The following PHLDB2 variants were observed in gnomAD, a reference collection of about 807,000 sequenced individuals.
PHLDB2 encodes the protein pleckstrin homology like domain family B member 2, also known as pleckstrin homology-like domain family B member 2.
PHLDB2 carries 71 observed loss-of-function variants against 123.6 expected under a neutral mutation model. That is an observed-to-expected ratio of 0.57 (90% CI 0.47 to 0.70). The LOEUF is 0.70. PHLDB2 is among the 30% of genes least tolerant of loss of function. PHLDB2 has a pLI of 0.00. For synonymous variants in PHLDB2, 547 were observed against 541.6 expected (o/e 1.01, Z -0.14); for missense variants, 1,446 against 1,519.5 (o/e 0.95, Z 0.80).
intron 1 of PHLDB2, among the ~76,000 whole-genome samples, chr3:111,752,030 T>C (rs954105357): frequency 2.6e-5 from 4 of 152,166 alleles, no homozygotes; most frequent in African/African-American, 7.2e-5. Context: ...TAGAACACCC[T>C]GAAGAAAATT....
chr3:111,970,352 C>T (rs1043152218), intron 16 of PHLDB2, among the ~76,000 whole-genome samples: 2 of 151,988 alleles, frequency 1.3e-5, no homozygotes, highest in African/African-American at 4.8e-5. Flanking sequence ...AAAATATTGC[C>T]TTTCAAACCA....
At chr3:111,802,753 GA>G (rs999606318) in intron 1 of PHLDB2, among the ~76,000 whole-genome samples, 1 of 152,130 alleles carries the variant, frequency 6.6e-6, no homozygotes, top group Admixed American at 6.5e-5. Context: ...CTCTTTTAAA[GA>G]AAAAGCACTA....
chr3:111,962,929 CAAA>C (rs57625439), intron 13 of PHLDB2, among the ~76,000 whole-genome samples: 304 of 93,808 alleles, frequency 3.2e-3, no homozygotes, highest in Non-Finnish European at 5.3e-3. Context: ...AACTCCATCT[CAAA>C]AAAAAAAAAA....
At chr3:111,758,949 A>G (rs1226322160) in intron 1 of PHLDB2, among the ~76,000 whole-genome samples, 6 of 152,178 alleles carry the variant, frequency 3.9e-5, no homozygotes, top group African/African-American at 1.4e-4. Flanking sequence ...GGTCCTATCA[A>G]TATGGGGCCC....
chr3:111,830,970 A>G (rs112500878), intron 1 of PHLDB2, among the ~76,000 whole-genome samples: 710 of 39,026 alleles, frequency 0.018, 13 homozygotes, highest in Non-Finnish European at 0.019. Context: ...AGAAAGAAAG[A>G]AAGAAAGAAA....
intron 2 of PHLDB2, among the ~76,000 whole-genome samples, chr3:111,908,491 C>T (rs766858725): frequency 2.0e-5 from 3 of 152,216 alleles, no homozygotes; most frequent in Non-Finnish European, 2.9e-5. Context: ...CTCTGCTCCA[C>T]GTTTCCTGAT....
At chr3:111,734,263 G>A (rs1941607112) in intron 1 of PHLDB2, among the ~76,000 whole-genome samples, 1 of 152,170 alleles carries the variant, frequency 6.6e-6, no homozygotes, top group Non-Finnish European at 1.5e-5. Flanking sequence ...TTTGACGAGG[G>A]AAAAGGATCT....
chr3:111,807,590 G>A (rs950100937), intron 1 of PHLDB2, among the ~76,000 whole-genome samples: 6 of 151,960 alleles, frequency 3.9e-5, no homozygotes, highest in African/African-American at 9.7e-5. Context: ...ATAGCCAGGC[G>A]CGTGATTTTT....
chr3:111,920,597 G>A (rs181921252), intron 5 of PHLDB2, among the ~76,000 whole-genome samples, 178 bp downstream of exon 5: 1 of 152,274 alleles, frequency 6.6e-6, no homozygotes, highest in Admixed American at 6.5e-5. Flanking sequence ...GAACTGCCAG[G>A]TACTGGGCAG....
chr3:111,877,528 C>T (rs945514623), intron 1 of PHLDB2, among the ~76,000 whole-genome samples: 2 of 152,164 alleles, frequency 1.3e-5, no homozygotes, highest in African/African-American at 4.8e-5. Context: ...CCCGCTCACT[C>T]TGATAATAGT....
In PHLDB2 at chr3:111,821,235, G is replaced by A. The variant is rs372819320; in HGVS notation, c.-48-24586G>A. ...TTGAATGTCTTTTCTGGTCAGACCA[G>A]GCTCATTGTTCTTCTAAGACCCAAG... On this transcript the variant is annotated intron_variant, in intron 1 of 17. Coordinates refer to the PHLDB2 transcript ENST00000393923. Among the ~76,000 whole-genome samples, 10 of 152,304 alleles carry A rather than the reference G, an allele frequency of 6.6e-5. No homozygotes were observed. In the South Asian group the frequency reaches 1.7e-3, roughly 25 times the overall value.
rs982097060 is a variant in PHLDB2 at position 111,859,784 on chromosome 3, G to A, written c.-15+208G>A. 30 of 985,564 alleles carry A rather than the reference G, an allele frequency of 3.0e-5. No individual in the cohort carries two copies. In the South Asian group the frequency reaches 8.0e-4, roughly 26 times the overall value. The allele number at this position is 985,564 out of a possible 1,614,324, so 61.1% of individuals were successfully genotyped here. ...CACCGCGAGTCAGGAGGGGCCGGCG[G>A]GCTCACGGAGGGAGACAGGGTGGGC... On this transcript the variant is annotated intron_variant, in intron 1 of 17. Transcript: ENST00000431670.
intron 1 of PHLDB2, among the ~76,000 whole-genome samples, chr3:111,764,721 T>C (rs1443618058): frequency 2.0e-5 from 3 of 152,232 alleles, no homozygotes; most frequent in Non-Finnish European, 4.4e-5. Flanking sequence ...TCCATCATAC[T>C]GTATTAAAGC....
At chr3:111,875,333 A>G (rs543232929) in intron 1 of PHLDB2, among the ~76,000 whole-genome samples, 312 of 111,150 alleles carry the variant, frequency 2.8e-3, no homozygotes, top group African/African-American at 8.4e-3. Context: ...TATTTTTAGT[A>G]GAGATGGAGT....
intron 1 of PHLDB2, among the ~76,000 whole-genome samples, chr3:111,770,186 G>A (rs2060150558): frequency 6.6e-6 from 1 of 152,202 alleles, no homozygotes; most frequent in Non-Finnish European, 1.5e-5. Flanking sequence ...CTTCCTCTGG[G>A]AAGGGTGCTT....
intron 1 of PHLDB2, among the ~76,000 whole-genome samples, chr3:111,825,549 G>A (rs941307825): frequency 1.3e-5 from 2 of 152,242 alleles, no homozygotes; most frequent in African/African-American, 4.8e-5. Flanking sequence ...ATGGGTTCAA[G>A]CTGTTCTCGT....
intron 1 of PHLDB2, among the ~76,000 whole-genome samples, chr3:111,830,956 A>AAGGAAGGAAG (rs1174498405): frequency 4.0e-5 from 1 of 24,754 alleles, no homozygotes. Flanking sequence ...AGAAAGAAAG[A>AAGGAAGGAAG]GAAAGAAAGA....
intron 1 of PHLDB2, among the ~76,000 whole-genome samples, chr3:111,862,016 A>G (rs952951273): frequency 6.6e-6 from 1 of 151,976 alleles, no homozygotes; most frequent in African/African-American, 2.4e-5. Flanking sequence ...TAATTTTTCT[A>G]TTTTTAGTAG....
At chr3:111,846,646 C>G (rs1185255380) in intron 2 of PHLDB2, among the ~76,000 whole-genome samples, 1 of 152,032 alleles carries the variant, frequency 6.6e-6, no homozygotes, top group Non-Finnish European at 1.5e-5. Flanking sequence ...ACTCATTGTG[C>G]TAAGTTCTAG....
Sources: gnomAD v4.1 joint callset for allele counts (sites outside exome capture counted in the v4.1 genomes callset) on GRCh38, gnomAD v4.1.1 for gene constraint, MANE v1.5 for transcripts, NCBI Gene and HGNC (gene_info 2026-07-23, HGNC 2026-07-21) for gene names.